The following P3H2 variants were observed in gnomAD, a reference collection of about 807,000 sequenced individuals.
The protein encoded by P3H2 is prolyl 3-hydroxylase 2, also known as leprecan-like 1.
Under a neutral mutation model 87.0 loss-of-function variants are expected in P3H2, and 80 were observed. That is an observed-to-expected ratio of 0.92 (90% confidence interval 0.77 to 1.11). The LOEUF (loss-of-function observed/expected upper bound fraction) is 1.11. P3H2 is among the 50% of genes least tolerant of loss of function. The pLI, the probability that P3H2 is intolerant of heterozygous loss-of-function variation, is 0.00. For synonymous variants in P3H2, 367 were observed against 359.3 expected, an observed-to-expected ratio of 1.02 and a Z score of -0.24; for missense variants, 1,001 against 923.9, an observed-to-expected ratio of 1.08 and a Z score of -1.08.
chr3:190,006,034 C>T (rs1170466026), intron 1 of P3H2, among the ~76,000 whole-genome samples: 2 of 152,160 alleles, frequency 1.3e-5, no homozygotes, highest in Non-Finnish European at 2.9e-5. Context: ...TACCATATAT[C>T]CAGGTTAAAT....
chr3:190,121,663 G>A (rs986305473), upstream of P3H2: 1 of 152,218 alleles, frequency 6.6e-6, no homozygotes, highest in African/African-American at 2.4e-5. Context: ...GAGAACCTTT[G>A]GAGGCAGGAG....
At position 189,958,000 on chromosome 3, in the gene P3H2, C is replaced by T. The variant is rs571855250; in HGVS notation, c.2039G>A (p.Arg680Gln). Residue 680 changes from arginine to glutamine, a missense_variant, in exon 15 of 15, where the codon CGA becomes CAA. Physicochemically the swap from Arg to Gln is conservative, Grantham distance 43. Coordinates refer to ENST00000319332, the MANE Select transcript of P3H2 (RefSeq NM_018192.4). Reference sequence around the variant, plus strand: ...TGCAATCACTTCATCAGCCTGTATTCGCTCCTGCAAAAAAGACAATTTACA... The same window carrying T: ...TGCAATCACTTCATCAGCCTGTATTTGCTCCTGCAAAAAAGACAATTTACA... ...TLDPLYRELE[R>Q]IQADEVIAIL... The T allele has an allele frequency of 1.8e-5, 29 of 1,612,046 alleles. No individual in the cohort carries two copies. Among genetic ancestry groups the T allele is most frequent in the Non-Finnish European group, 2.3e-5 (27 of 1,178,112 alleles).
intron 1 of P3H2, among the ~76,000 whole-genome samples, chr3:189,995,860 C>T (rs753406682): frequency 6.6e-6 from 1 of 152,088 alleles, no homozygotes; most frequent in South Asian, 2.1e-4. Context: ...TGAAAAAATG[C>T]TCCACATCAC....
chr3:190,095,732 C>G (rs2108988487), intron 1 of P3H2, among the ~76,000 whole-genome samples: 1 of 151,846 alleles, frequency 6.6e-6, no homozygotes, highest in South Asian at 2.1e-4. Flanking sequence ...TCCCGAGTAG[C>G]TGGGACTACA....
chr3:190,000,739 C>A (rs533291090), intron 1 of P3H2, among the ~76,000 whole-genome samples: 2 of 152,122 alleles, frequency 1.3e-5, no homozygotes, highest in East Asian at 3.9e-4. Context: ...CAAAGCAGAG[C>A]AGAGATCAAG....
chr3:189,997,597 T>G (rs1029722740), intron 1 of P3H2, among the ~76,000 whole-genome samples: 2 of 152,190 alleles, frequency 1.3e-5, no homozygotes, highest in African/African-American at 4.8e-5. Context: ...AACTGCCCTG[T>G]TTTAAGACCT....
At chr3:189,963,920 C>T in intron 14 of P3H2, 38 bp downstream of exon 14, 1 of 1,612,706 alleles carries the variant, frequency 6.2e-7, no homozygotes, top group Non-Finnish European at 8.5e-7. Context: ...GTTCATGAAG[C>T]AAGCCTAATT....
chr3:189,980,360 C>T (rs539889169), intron 8 of P3H2, among the ~76,000 whole-genome samples: 139 of 152,116 alleles, frequency 9.1e-4, no homozygotes, highest in African/African-American at 3.2e-3. Context: ...GTCAGGAGTT[C>T]GAGGCCAGCC....
intron 14 of P3H2, among the ~76,000 whole-genome samples, chr3:189,960,798 C>T (rs904564524): frequency 6.6e-6 from 1 of 152,132 alleles, no homozygotes; most frequent in African/African-American, 2.4e-5. Context: ...GAAAACAAAG[C>T]CCCTTTCATG....
At chr3:190,060,842 G>A (rs1397213290) in intron 1 of P3H2, among the ~76,000 whole-genome samples, 2 of 152,092 alleles carry the variant, frequency 1.3e-5, no homozygotes, top group Non-Finnish European at 2.9e-5. Flanking sequence ...GTATAGAAAT[G>A]GCAGGAACCA....
At chr3:190,099,373 G>C (rs545122739) in intron 1 of P3H2, among the ~76,000 whole-genome samples, 4 of 152,096 alleles carry the variant, frequency 2.6e-5, no homozygotes, top group African/African-American at 9.7e-5. Context: ...CTTTATAGTC[G>C]GACAAACCAC....
At chr3:190,012,737 T>C (rs1724632888) in intron 1 of P3H2, among the ~76,000 whole-genome samples, 1 of 152,200 alleles carries the variant, frequency 6.6e-6, no homozygotes, top group Non-Finnish European at 1.5e-5. Context: ...CCCCTCGTGG[T>C]GCCTCTCTGG....
At chr3:190,088,001 G>A (rs910429493) in intron 1 of P3H2, among the ~76,000 whole-genome samples, 8 of 152,232 alleles carry the variant, frequency 5.3e-5, no homozygotes, top group Admixed American at 1.3e-4. Context: ...GAGTTCTGTT[G>A]TGCAAGTTTT....
intron 8 of P3H2, among the ~76,000 whole-genome samples, chr3:189,976,325 G>T (rs1457666837): frequency 6.6e-6 from 1 of 152,128 alleles, no homozygotes; most frequent in Admixed American, 6.6e-5. Context: ...GAGATTTAAC[G>T]GACTCACAGT....
intron 1 of P3H2, among the ~76,000 whole-genome samples, chr3:190,033,088 A>G (rs1372315590): frequency 1.3e-5 from 2 of 152,200 alleles, no homozygotes; most frequent in Non-Finnish European, 2.9e-5. Flanking sequence ...TAGATCCCCC[A>G]CATGCAAAGT....
chr3:190,099,740 T>C (rs916906084), intron 1 of P3H2, among the ~76,000 whole-genome samples: 1 of 152,220 alleles, frequency 6.6e-6, no homozygotes, highest in Non-Finnish European at 1.5e-5. Flanking sequence ...TATCTTGATC[T>C]TTTTTAGCAT....
At chr3:189,985,354 G>A (rs1020705327) in intron 6 of P3H2, among the ~76,000 whole-genome samples, 20 of 151,424 alleles carry the variant, frequency 1.3e-4, no homozygotes, top group African/African-American at 3.6e-4. Context: ...TTAAAATGAT[G>A]TATTATTTCA....
chr3:190,120,426 G>A lies in P3H2; in HGVS notation c.306C>T (p.Gly102=), dbSNP rs769231420. The A allele has an allele frequency of 2.1e-6, 3 of 1,461,960 alleles. No homozygotes were observed. The highest frequency in any genetic ancestry group is 2.7e-6 in the Non-Finnish European group (3 of 1,114,892). The allele number at this position is 1,461,960 out of a possible 1,614,324, so 90.6% of individuals were successfully genotyped here. ...GGAAAAGGGGCAGCTCAGCGCCGGG[G>A]CCCTCGCCGGGGGGCGGGGGCGGGA... ...HPLPPPPPGE[G]PGAELPLFRS... Residue 102 remains glycine (G), a synonymous_variant, in exon 1 of 15, where the codon GGC becomes GGT. Transcript: ENST00000319332.
At chr3:190,033,087 C>CA (rs1725308210) in intron 1 of P3H2, among the ~76,000 whole-genome samples, 1 of 152,164 alleles carries the variant, frequency 6.6e-6, no homozygotes, top group Non-Finnish European at 1.5e-5. Context: ...CTAGATCCCC[C>CA]ACATGCAAAG....
Sources: allele counts gnomAD v4.1 joint callset (sites outside exome capture counted in the v4.1 genomes callset), GRCh38; gene constraint gnomAD v4.1.1; transcripts MANE v1.5; gene names NCBI Gene and HGNC (gene_info 2026-07-23, HGNC 2026-07-21).